Variants in CDH13 observed in about 807,000 individuals in gnomAD.
CDH13 encodes the protein cadherin 13, also known as cadherin-13.
A neutral mutation model predicts 63.8 loss-of-function variants in CDH13; 24 were observed. That is an observed-to-expected ratio of 0.38 (90% CI 0.27 to 0.53). CDH13 has a LOEUF of 0.53. Among genes scored for constraint, CDH13 ranks in the 20% least tolerant of loss-of-function variants. The pLI is 0.85. For synonymous variants in CDH13, 503 were observed against 355.3 expected (o/e 1.42, Z -4.67); for missense variants, 1,049 against 903.1 (o/e 1.16, Z -2.07).
At chr16:83,353,706 A>C (rs1158152684) in intron 6 of CDH13, among the ~76,000 whole-genome samples, 3 of 152,200 alleles carry the variant, frequency 2.0e-5, no homozygotes, top group Non-Finnish European at 4.4e-5. Context: ...TCTAACCATG[A>C]AGTCTTATTC....
At chr16:82,629,244 G>T (rs773871247) in intron 1 of CDH13, among the ~76,000 whole-genome samples, 3 of 152,166 alleles carry the variant, frequency 2.0e-5, no homozygotes, top group Non-Finnish European at 4.4e-5. Context: ...GGTTCTGAAG[G>T]CTCACTCTAT....
chr16:83,416,770 C>G (rs1213586107), intron 6 of CDH13, among the ~76,000 whole-genome samples: 2 of 152,182 alleles, frequency 1.3e-5, no homozygotes, highest in Admixed American at 6.5e-5. Context: ...CTCTGAGATT[C>G]AAATCCTGGC....
intron 1 of CDH13, among the ~76,000 whole-genome samples, chr16:82,788,694 T>G: frequency 6.6e-6 from 1 of 152,188 alleles, no homozygotes; most frequent in Non-Finnish European, 1.5e-5. Context: ...AGCCAGCAGA[T>G]CTCACAGTTA....
At chr16:83,549,001 A>G (rs993203283) in intron 7 of CDH13, among the ~76,000 whole-genome samples, 1 of 152,156 alleles carries the variant, frequency 6.6e-6, no homozygotes, top group Non-Finnish European at 1.5e-5. Flanking sequence ...TAGTCCCCTC[A>G]TCTGCATAAT....
chr16:83,304,839 C>T (rs921201696), intron 5 of CDH13, among the ~76,000 whole-genome samples: 3 of 152,002 alleles, frequency 2.0e-5, no homozygotes, highest in Non-Finnish European at 4.4e-5. Context: ...AAACTCTCTC[C>T]CTCTCTCCCC....
chr16:82,966,036 T>C (rs1597315681), intron 2 of CDH13, among the ~76,000 whole-genome samples: 1 of 152,220 alleles, frequency 6.6e-6, no homozygotes, highest in Non-Finnish European at 1.5e-5. Flanking sequence ...GCCTCAGAGG[T>C]ACCTTGGCAG....
At chr16:83,217,265 T>C in intron 4 of CDH13, 80 bp from the exon 5 acceptor site, 1 of 1,415,170 alleles carries the variant, frequency 7.1e-7, no homozygotes, top group Non-Finnish European at 9.9e-7. Context: ...ATTAGTGAAT[T>C]GCTCATGGGA....
At chr16:83,294,828 A>G (rs1021860730) in intron 5 of CDH13, among the ~76,000 whole-genome samples, 2 of 152,166 alleles carry the variant, frequency 1.3e-5, no homozygotes, top group African/African-American at 4.8e-5. Flanking sequence ...CAGATTCAAC[A>G]TAATCTATAT....
intron 7 of CDH13, among the ~76,000 whole-genome samples, chr16:83,493,397 A>T (rs1019431288): frequency 6.6e-6 from 1 of 152,222 alleles, no homozygotes; most frequent in Non-Finnish European, 1.5e-5. Flanking sequence ...GAGCACCACA[A>T]ATGTCTGCTG....
chr16:83,482,787 T>C lies in CDH13; in HGVS notation c.782-3690T>C, dbSNP rs116096369. Among the ~76,000 whole-genome samples, 982 of 152,192 alleles carry C rather than the reference T, an allele frequency of 6.5e-3. 14 individuals are homozygous for C. Among genetic ancestry groups the C allele is most frequent in the African/African-American group, 0.023 (938 of 41,520 alleles). On this transcript the variant is annotated intron_variant, in intron 6 of 13. Coordinates refer to ENST00000567109, the MANE Select transcript of CDH13 (RefSeq NM_001257.5). Reference sequence around the variant, plus strand: ...GTGTGTGTTGTTGTGATATCCACAGTAGAAACCCAGATCTGCACACTAAGA... The same window carrying C: ...GTGTGTGTTGTTGTGATATCCACAGCAGAAACCCAGATCTGCACACTAAGA...
intron 2 of CDH13, among the ~76,000 whole-genome samples, chr16:82,968,379 C>T (rs1317711567): frequency 6.6e-6 from 1 of 152,196 alleles, no homozygotes; most frequent in African/African-American, 2.4e-5. Flanking sequence ...GGTCCAGTTA[C>T]TGTCTGTTTT....
At position 83,144,556 on chromosome 16, in the gene CDH13, A is replaced by T. The variant is rs551020866; in HGVS notation, c.483+19055A>T. 1.1e-4 allele frequency among the ~76,000 whole-genome samples: 17 copies of T among 152,342 alleles called. No individual in the cohort carries two copies. In the South Asian group the frequency reaches 3.5e-3, roughly 32 times the overall value. On this transcript the variant is annotated intron_variant, in intron 4 of 13. Coordinates refer to ENST00000567109, the MANE Select transcript of CDH13 (RefSeq NM_001257.5). ...ACGTTCAGGGCCTGGAACATAATAG[A>T]TGCACTGTATTTTTTGACTAAATAA...
intron 5 of CDH13, among the ~76,000 whole-genome samples, chr16:83,236,621 C>T (rs920105814): frequency 6.6e-6 from 1 of 152,108 alleles, no homozygotes; most frequent in Non-Finnish European, 1.5e-5. Context: ...CTGGCATTAA[C>T]TATCTCTGTT....
Position 83,422,684 on chromosome 16 carries a change from A to G in CDH13, c.782-63793A>G, listed in dbSNP as rs149523527. ...TGATCTGTGAATTAGAGGACGTTTG[A>G]CTTCTCCTCTGACCTCTAAGCTCAT... On this transcript the variant is annotated intron_variant, in intron 6 of 13. Coordinates refer to ENST00000567109, the MANE Select transcript of CDH13 (RefSeq NM_001257.5). 3.4e-3 allele frequency among the ~76,000 whole-genome samples: 524 copies of G among 152,296 alleles called. 1 individual carries two copies. Among genetic ancestry groups the G allele is most frequent in the African/African-American group, 0.011 (477 of 41,560 alleles).
intron 7 of CDH13, among the ~76,000 whole-genome samples, chr16:83,557,226 C>A (rs969717762): frequency 6.6e-6 from 1 of 152,158 alleles, no homozygotes; most frequent in African/African-American, 2.4e-5. Context: ...CTCCCATCAC[C>A]CCCAGATGAG....
At chr16:82,811,178 T>C (rs1192628803) in intron 1 of CDH13, among the ~76,000 whole-genome samples, 1 of 152,180 alleles carries the variant, frequency 6.6e-6, no homozygotes, top group Non-Finnish European at 1.5e-5. Context: ...TCAAAGCTGA[T>C]TACGCGAATT....
rs556995062 is a variant in CDH13, at chr16:83,549,613, T to C, written c.961-52841T>C. On this transcript the variant is annotated intron_variant, in intron 7 of 13. Coordinates refer to ENST00000567109, the MANE Select transcript of CDH13 (RefSeq NM_001257.5). ...CTCCCGTAGCACTGGGACTATAGCT[T>C]TATTTCTTGCATCATTTTTCTCTAC... is the stretch of plus-strand genomic sequence containing the variant. 2.6e-5 allele frequency among the ~76,000 whole-genome samples: 4 copies of C among 151,340 alleles called. No homozygotes were observed. The Middle Eastern group carries it at 0.01, about 386-fold the overall frequency.
intron 4 of CDH13, among the ~76,000 whole-genome samples, chr16:83,126,644 GAGAACAA>G: frequency 6.6e-6 from 1 of 152,162 alleles, no homozygotes; most frequent in East Asian, 1.9e-4. Context: ...AGTTGATCTC[GAGAACAA>G]AGAACAAGGG....
chr16:83,786,309 G>T (rs567222717), intron 13 of CDH13, among the ~76,000 whole-genome samples: 1 of 152,266 alleles, frequency 6.6e-6, no homozygotes, highest in Admixed American at 6.5e-5. Flanking sequence ...AGAGCAACGT[G>T]TTAATTGCAG....
Sources: gnomAD v4.1 joint callset for allele counts (sites outside exome capture counted in the v4.1 genomes callset) on GRCh38, gnomAD v4.1.1 for gene constraint, MANE v1.5 for transcripts, NCBI Gene and HGNC (gene_info 2026-07-23, HGNC 2026-07-21) for gene names.